TRIM35: variants seen among roughly 807,000 people sequenced by gnomAD.
TRIM35 encodes the protein tripartite motif containing 35.
TRIM35 carries 37 observed loss-of-function variants against 49.1 expected under a neutral mutation model. That is an observed-to-expected ratio of 0.75 (90% CI 0.58 to 0.99). TRIM35 has a LOEUF of 0.99. Among genes scored for constraint, TRIM35 ranks in the 50% least tolerant of loss-of-function variants. TRIM35 has a pLI of 0.00. For missense variants in TRIM35, 648 were observed against 702.7 expected, an observed-to-expected ratio of 0.92 and a Z score of 0.88; for synonymous variants, 302 against 289.3, an observed-to-expected ratio of 1.04 and a Z score of -0.45.
chr8:27,308,641 TAAG>T (rs1243519999), intron 1 of TRIM35, among the ~76,000 whole-genome samples: 1 of 152,198 alleles, frequency 6.6e-6, no homozygotes, highest in Non-Finnish European at 1.5e-5. Flanking sequence ...TCCATGAAGC[TAAG>T]AAGAGGCCAC....
Position 27,289,253 on chromosome 8 carries a change from TG to T in TRIM35, c.812del (p.Pro271GlnfsTer141). ...RRLFCTMEPEPVQPGMLIDVC... is the reference protein window; with the variant it reads ...RRLFCTMEPEXVQPGMLIDVC... Reference sequence around the variant, plus strand: ...CATCGATAAGCATGCCGGGCTGGACTGGCTCTGGCTCCATGGTGCAGAAGAG... The same window carrying T: ...CATCGATAAGCATGCCGGGCTGGACTGCTCTGGCTCCATGGTGCAGAAGAG... On this transcript the variant is annotated frameshift_variant, in exon 5 of 6. Transcript: ENST00000305364. LOFTEE classifies it high-confidence loss of function. 6.2e-7 allele frequency: 1 copy of T among 1,614,146 alleles called. No homozygotes were observed. The highest frequency in any genetic ancestry group is 1.1e-5 in the South Asian group (1 of 91,086).
At chr8:27,288,842 C>T (rs954133117) in intron 5 of TRIM35, among the ~76,000 whole-genome samples, 1 of 152,164 alleles carries the variant, frequency 6.6e-6, no homozygotes, top group Non-Finnish European at 1.5e-5. Flanking sequence ...AGAGGCAAGC[C>T]CAGATGCAGG....
intron 2 of TRIM35, among the ~76,000 whole-genome samples, chr8:27,295,103 C>T (rs1028169700): frequency 9.2e-5 from 14 of 152,212 alleles, no homozygotes; most frequent in African/African-American, 3.4e-4. Flanking sequence ...GGATTACAAG[C>T]GTGAGCCACT....
intron 1 of TRIM35, among the ~76,000 whole-genome samples, chr8:27,306,331 T>C (rs1157901518): frequency 6.8e-6 from 1 of 147,484 alleles, no homozygotes; most frequent in Non-Finnish European, 1.5e-5. Flanking sequence ...TTTTCTTTCT[T>C]TTTTTTTTTT....
In TRIM35 at chr8:27,311,067, A is replaced by C; in HGVS notation, c.169T>G (p.Cys57Gly). Residue 57 changes from cysteine to glycine, a missense_variant, in exon 1 of 6, where the codon TGC becomes GGC. Transcript: ENST00000305364. ...RCWEVQVSPT[C>G]PVCKDRASPA... ...GACGCGCGGTCTTTGCACACTGGGCAGGTGGGCGACACCTGCACCTCCCAG... is the reference window on the plus strand; with the variant it reads ...GACGCGCGGTCTTTGCACACTGGGCCGGTGGGCGACACCTGCACCTCCCAG... 6.3e-7 allele frequency: 1 copy of C among 1,597,112 alleles called. No homozygotes were observed. The highest frequency in any genetic ancestry group is 8.5e-7 in the Non-Finnish European group (1 of 1,172,716).
rs761203689 is a variant in TRIM35 at position 27,289,195 on chromosome 8, C to A, written c.871G>T (p.Val291Phe). 7 of 1,613,954 alleles carry A rather than the reference C, an allele frequency of 4.3e-6. No homozygotes were observed. Among genetic ancestry groups the A allele is most frequent in the Non-Finnish European group, 3.4e-6 (4 of 1,179,962 alleles). ...ACAGATGCAAGCATCTTCTTCCAGA[C>A]GCGGTACTGCAGGGAGCCCAGGTAC... Reference protein sequence around the residue: ...CKYLGSLQYRVWKKMLASVES... With the variant: ...CKYLGSLQYRFWKKMLASVES... Residue 291 changes from valine to phenylalanine, a missense_variant, in exon 5 of 6, where the codon GTC becomes TTC. By Grantham distance (50) the Val-to-Phe change is conservative. Transcript: ENST00000305364.
intron 5 of TRIM35, 39 bp downstream of exon 5, chr8:27,289,123 C>T (rs1276047291): frequency 6.4e-7 from 1 of 1,562,142 alleles, no homozygotes; most frequent in African/African-American, 1.4e-5. Context: ...TGAAGGGCTT[C>T]CACCCATGCT....
At position 27,306,329 on chromosome 8, in the gene TRIM35, CT is replaced by C. The variant is rs35352785; in HGVS notation, c.435+4471del. On this transcript the variant is annotated intron_variant, in intron 1 of 5. Coordinates refer to ENST00000305364, the MANE Select transcript of TRIM35 (RefSeq NM_171982.5). ...GCATTCGTATTTTCTTTTTTTCTTT[CT>C]TTTTTTTTTTTTTGAGACAGTGTCT... Among the ~76,000 whole-genome samples, 402 of 141,674 alleles carry C rather than the reference CT, an allele frequency of 2.8e-3. 4 individuals are homozygous for C. Among genetic ancestry groups the C allele is most frequent in the East Asian group, 0.027 (135 of 4,968 alleles). 92.9% of individuals were successfully genotyped at this position (141,674 alleles called of 152,430 possible). A position where few individuals can be genotyped will look rare whatever the true frequency, so the allele number is the denominator to read the frequency against.
Position 27,289,247 on chromosome 8 carries a change from C to T in TRIM35, c.819G>A (p.Gln273=). ...TGCAGACATCGATAAGCATGCCGGGCTGGACTGGCTCTGGCTCCATGGTGC... is the reference window on the plus strand; with the variant it reads ...TGCAGACATCGATAAGCATGCCGGGTTGGACTGGCTCTGGCTCCATGGTGC... ...LFCTMEPEPV[Q]PGMLIDVCKY... is the part of the protein sequence containing the mutation. The change falls in exon 5 of 6, where the codon CAG becomes CAA. Residue 273 remains glutamine, a synonymous_variant. Transcript: ENST00000305364. 1 of 1,614,138 alleles carries T rather than the reference C, an allele frequency of 6.2e-7. No individual in the cohort carries two copies. Among genetic ancestry groups the T allele is most frequent in the Non-Finnish European group, 8.5e-7 (1 of 1,180,000 alleles).
At chr8:27,299,032 T>C (rs1171915813) in intron 1 of TRIM35, among the ~76,000 whole-genome samples, 3 of 152,122 alleles carry the variant, frequency 2.0e-5, no homozygotes, top group African/African-American at 7.2e-5. Context: ...GAGCCAGTCA[T>C]TTCCCACGGG....
chr8:27,310,564 T>C (rs973654709), intron 1 of TRIM35, among the ~76,000 whole-genome samples: 3 of 152,272 alleles, frequency 2.0e-5, no homozygotes, highest in Non-Finnish European at 2.9e-5. Flanking sequence ...GGGAACATCA[T>C]GTAACCTCAT....
Position 27,287,498 on chromosome 8 carries a change from G to A in TRIM35, c.*52C>T. ...CAAGCAGTGTGGGCATTAGGAAGAGGGCAGAAAGAAAACAGTGCTGTGGCA... is the reference window on the plus strand; with the variant it reads ...CAAGCAGTGTGGGCATTAGGAAGAGAGCAGAAAGAAAACAGTGCTGTGGCA... On this transcript the variant is annotated 3_prime_UTR_variant, in exon 6 of 6. Coordinates refer to ENST00000305364, the MANE Select transcript of TRIM35 (RefSeq NM_171982.5). The surrounding 1 kb of genome is among the most constrained non-coding windows in gnomAD (Gnocchi z 6.0). The A allele has an allele frequency of 6.7e-7, 1 of 1,483,292 alleles. No homozygotes were observed. Among genetic ancestry groups the A allele is most frequent in the East Asian group, 2.5e-5 (1 of 40,730 alleles). The allele number at this position is 1,483,292 out of a possible 1,614,324, so 91.9% of individuals were successfully genotyped here.
At chr8:27,295,296 TG>T (rs753637167) in intron 2 of TRIM35, among the ~76,000 whole-genome samples, 7 of 152,204 alleles carry the variant, frequency 4.6e-5, no homozygotes, top group Non-Finnish European at 8.8e-5. Context: ...GAGGTGTGTA[TG>T]GCAAGAGACT....
intron 3 of TRIM35, among the ~76,000 whole-genome samples, chr8:27,292,387 A>G (rs371993619): frequency 2.0e-5 from 3 of 152,348 alleles, no homozygotes; most frequent in African/African-American, 7.2e-5. Context: ...ACTGCCTAAT[A>G]ATACATTTCT....
rs779205704 is a variant in TRIM35 at position 27,287,877 on chromosome 8, T to C, written c.1155A>G (p.Ser385=). Residue 385 remains serine (S), a synonymous_variant, in exon 6 of 6, where the codon TCA becomes TCG. Coordinates refer to ENST00000305364, the MANE Select transcript of TRIM35 (RefSeq NM_171982.5). The surrounding 1 kb of genome is among the most constrained non-coding windows in gnomAD (Gnocchi z 6.0). ...AGCGTGTGTCGTGGTAGCAGCTGTGTGAGTGGCCCTCAGCGCCCGAGTCCT... is the reference window on the plus strand; with the variant it reads ...AGCGTGTGTCGTGGTAGCAGCTGTGCGAGTGGCCCTCAGCGCCCGAGTCCT... The part of the protein sequence containing the change: ...VRQDSGAEGH[S]HSCYHDTRSG... 1 of 1,613,038 alleles carries C rather than the reference T, an allele frequency of 6.2e-7. No individual in the cohort carries two copies. The highest frequency in any genetic ancestry group is 8.5e-7 in the Non-Finnish European group (1 of 1,179,850).
rs1441992180 is a variant in TRIM35 at position 27,298,667 on chromosome 8, T to C, written c.436-108A>G. The C allele has an allele frequency of 6.8e-6, 6 of 887,080 alleles. No individual in the cohort carries two copies. The Admixed American group carries it at 1.2e-4, about 18-fold the overall frequency. The allele number at this position is 887,080 out of a possible 1,614,324, so 55.0% of individuals were successfully genotyped here. On this transcript the variant is annotated intron_variant, in intron 1 of 5. Coordinates refer to ENST00000305364, the MANE Select transcript of TRIM35 (RefSeq NM_171982.5). ...CTGGGACTCCACTTCAACACAAGTGTAACTCAACTGCATTTGCCTAACCCC... is the reference window on the plus strand; with the variant it reads ...CTGGGACTCCACTTCAACACAAGTGCAACTCAACTGCATTTGCCTAACCCC...
At chr8:27,299,066 T>G (rs545031012) in intron 1 of TRIM35, among the ~76,000 whole-genome samples, 16 of 152,288 alleles carry the variant, frequency 1.1e-4, no homozygotes, top group African/African-American at 3.4e-4. Flanking sequence ...CCATGAGGCC[T>G]CACCTCAACA....
At position 27,286,110 on chromosome 8, in the gene TRIM35, G is replaced by T; in HGVS notation, c.*1440C>A. On this transcript the variant is annotated 3_prime_UTR_variant, in exon 6 of 6. Coordinates refer to ENST00000305364, the MANE Select transcript of TRIM35 (RefSeq NM_171982.5). ...AAGGCAGGATGCTGTCCTTGGTCAG[G>T]AATGTGACCCAGATTTTAACACTGC... is the stretch of plus-strand genomic sequence containing the variant. 2.2e-6 allele frequency: 1 copy of T among 456,230 alleles called. No homozygotes were observed. The highest frequency in any genetic ancestry group is 1.5e-5 in the South Asian group (1 of 64,562). The allele number at this position is 456,230 out of a possible 1,614,324, so 28.3% of individuals were successfully genotyped here.
In TRIM35 at chr8:27,293,949, T is replaced by C. The variant is rs1214719398; in HGVS notation, c.762+131A>G. On this transcript the variant is annotated intron_variant, in intron 3 of 5. Transcript: ENST00000305364. ...CATGACACAAGCAGAGCAGGTTACT[T>C]GTGAGCTCCTCCAGGCCAGTACCCA... is the stretch of plus-strand genomic sequence containing the variant. The C allele has an allele frequency of 5.1e-6, 4 of 788,204 alleles. No homozygotes were observed. The East Asian group carries it at 1.0e-4, about 21-fold the overall frequency. 48.8% of individuals were successfully genotyped at this position (788,204 alleles called of 1,614,324 possible).
Sources: allele counts gnomAD v4.1 joint callset (sites outside exome capture counted in the v4.1 genomes callset), GRCh38; gene constraint gnomAD v4.1.1; non-coding constraint Gnocchi (gnomAD v3.1); transcripts MANE v1.5; gene names NCBI Gene and HGNC (gene_info 2026-07-23, HGNC 2026-07-21).